ABCG5: variants seen among roughly 807,000 people sequenced by gnomAD.
The protein encoded by ABCG5 is ATP-binding cassette sub-family G member 5.
A neutral mutation model predicts 64.5 loss-of-function variants in ABCG5; 64 were observed. That is an observed-to-expected ratio of 0.99 (90% CI 0.81 to 1.22). The LOEUF (loss-of-function observed/expected upper bound fraction) is 1.22, where lower values mean the gene tolerates loss of function less well. Ranked by LOEUF, ABCG5 falls within the 50% of genes most tolerant of loss-of-function variation. The pLI, the probability that ABCG5 is intolerant of heterozygous loss-of-function variation, is 0.00. For synonymous variants in ABCG5, 385 were observed against 326.3 expected (o/e 1.18, Z -1.94); for missense variants, 908 against 829.5 (o/e 1.09, Z -1.16).
chr2:43,839,088 C>A, upstream of ABCG5: 1 of 1,551,174 alleles, frequency 6.4e-7, no homozygotes, highest in South Asian at 1.2e-5. Context: ...AGAGGGCTGC[C>A]GAAAGGGGCC....
chr2:43,838,265 C>T lies in ABCG5; in HGVS notation c.143+272G>A, dbSNP rs1339909735. 5.0e-6 allele frequency: 3 copies of T among 595,806 alleles called. No individual in the cohort carries two copies. In the African/African-American group the frequency reaches 5.6e-5, roughly 11 times the overall value. 36.9% of individuals were successfully genotyped at this position (595,806 alleles called of 1,614,324 possible). ...CATTCGCAGTACCCCCATTCCCATCCACAGAGGGCAGGCCGTAGACACTGG... is the reference window on the plus strand; with the variant it reads ...CATTCGCAGTACCCCCATTCCCATCTACAGAGGGCAGGCCGTAGACACTGG... On this transcript the variant is annotated intron_variant, in intron 1 of 12. Coordinates refer to ENST00000405322, the MANE Select transcript of ABCG5 (RefSeq NM_022436.3). This position sits in a 1 kb window ranked among gnomAD's most constrained non-coding sequence, Gnocchi z 4.2.
At chr2:43,816,057 C>G (rs1666803038) in intron 11 of ABCG5, among the ~76,000 whole-genome samples, 1 of 152,132 alleles carries the variant, frequency 6.6e-6, no homozygotes, top group African/African-American at 2.4e-5. Context: ...ACCTTTGTTT[C>G]TCCCTGTACC....
At chr2:43,814,086 G>T (rs114608734) in intron 12 of ABCG5, among the ~76,000 whole-genome samples, 3,286 of 152,206 alleles carry the variant, frequency 0.022, 82 homozygotes, top group African/African-American at 0.062. Flanking sequence ...TTGAGGAATA[G>T]ACTTTTGCCA....
chr2:43,827,197 C>T (rs535483604), intron 5 of ABCG5, among the ~76,000 whole-genome samples: 4 of 152,006 alleles, frequency 2.6e-5, no homozygotes, highest in African/African-American at 9.6e-5. Flanking sequence ...TGGTGGCAGG[C>T]GCCTGTAATC....
At chr2:43,812,319 CT>C (rs535572680), downstream of ABCG5, among the ~76,000 whole-genome samples, 16,148 of 115,164 alleles carry the variant, frequency 0.14, 1,183 homozygotes, top group Non-Finnish European at 0.2. Context: ...ACTTGTAATT[CT>C]TTTTTTTTTT....
chr2:43,810,540 A>T (rs900694656), downstream of ABCG5: 1 of 978,988 alleles, frequency 1.0e-6, no homozygotes, highest in African/African-American at 1.8e-5. Flanking sequence ...TATAATTGCT[A>T]TGATTAAAAA....
rs1668442183 is a variant in ABCG5 at position 43,838,703 on chromosome 2, C to G, written c.-24G>C. 6.2e-7 allele frequency: 1 copy of G among 1,612,458 alleles called. No homozygotes were observed. Among genetic ancestry groups the G allele is most frequent in the Non-Finnish European group, 8.5e-7 (1 of 1,179,472 alleles). ...ATGGCCAACAGGCAGCAAAGCTGGG[C>G]AAATTTTCTGGTGGCCGGACCCTCC... is the stretch of plus-strand genomic sequence containing the variant. On this transcript the variant is annotated 5_prime_UTR_variant, in exon 1 of 13. Coordinates refer to ENST00000405322, the MANE Select transcript of ABCG5 (RefSeq NM_022436.3). This position sits in a 1 kb window ranked among gnomAD's most constrained non-coding sequence, Gnocchi z 4.2.
intron 10 of ABCG5, chr2:43,822,468 C>CCGG: frequency 1.2e-6 from 1 of 819,744 alleles, no homozygotes; most frequent in Non-Finnish European, 1.4e-6. Flanking sequence ...TGCTTTCTCC[C>CCGG]CTCCCCCAGG....
rs1245550744 is a variant in ABCG5 at position 43,827,988 on chromosome 2, T to C, written c.629A>G (p.Asp210Gly). The change falls in exon 5 of 13, where the codon GAT becomes GGT. Residue 210 changes from aspartate to glycine, a missense_variant. By Grantham distance (94) the Asp-to-Gly change is moderately conservative (BLOSUM62 -1). Transcript: ENST00000405322. ...CAGTTCTGGGTGCCACTTACTAGGA[T>C]CCTGGAGCAGCTGGGCTGCGATGGA... Reference protein sequence around the residue: ...RVSIAAQLLQDPKVMLFDEPT... With the variant: ...RVSIAAQLLQGPKVMLFDEPT... The C allele has an allele frequency of 5.0e-6, 8 of 1,613,924 alleles. No individual in the cohort carries two copies. Among genetic ancestry groups the C allele is most frequent in the Non-Finnish European group, 6.8e-6 (8 of 1,179,990 alleles).
intron 10 of ABCG5, 138 bp downstream of exon 10, chr2:43,822,659 C>A (rs1667307321): frequency 1.3e-6 from 2 of 1,550,036 alleles, no homozygotes; most frequent in Admixed American, 1.9e-5. Context: ...GAAGATACGA[C>A]ATTGCACTAG....
At chr2:43,822,613 C>G (rs534703163) in intron 10 of ABCG5, 184 bp downstream of exon 10, 1 of 985,172 alleles carries the variant, frequency 1.0e-6, no homozygotes, top group Non-Finnish European at 1.2e-6. Context: ...TCCTGCAACC[C>G]ACAGTTGGGC....
At chr2:43,807,046 T>C in the ABCG5 span, among the ~76,000 whole-genome samples, 7 of 152,208 alleles carry the variant, frequency 4.6e-5, no homozygotes, top group Non-Finnish European at 8.8e-5. Context: ...ACCCTAACAA[T>C]TACCAGTGTT....
At chr2:43,818,470 C>T (rs1403799639) in intron 11 of ABCG5, among the ~76,000 whole-genome samples, 5 of 152,066 alleles carry the variant, frequency 3.3e-5, no homozygotes, top group Non-Finnish European at 5.9e-5. Flanking sequence ...AAACAAAATA[C>T]GGTTTCTACA....
chr2:43,819,736 A>T (rs1160816459), intron 11 of ABCG5, among the ~76,000 whole-genome samples, 179 bp downstream of exon 11: 1 of 152,212 alleles, frequency 6.6e-6, no homozygotes, highest in East Asian at 1.9e-4. Context: ...CATTTTATTG[A>T]ACAAATGAAC....
At chr2:43,816,831 C>T (rs1666866138) in intron 11 of ABCG5, among the ~76,000 whole-genome samples, 1 of 152,184 alleles carries the variant, frequency 6.6e-6, no homozygotes, top group African/African-American at 2.4e-5. Flanking sequence ...CAAAATTTAA[C>T]TCTAGGCTCT....
downstream of ABCG5, chr2:43,809,603 A>G (rs1266597920): frequency 2.7e-6 from 2 of 742,008 alleles, no homozygotes; most frequent in East Asian, 5.3e-5. Flanking sequence ...AATGCTACTA[A>G]GGATTCATTG....
At position 43,831,831 on chromosome 2, in the gene ABCG5, T is replaced by C. The variant is rs778854075; in HGVS notation, c.439A>G (p.Thr147Ala). The C allele has an allele frequency of 1.3e-6, 2 of 1,587,718 alleles. No individual in the cohort carries two copies. Among genetic ancestry groups the C allele is most frequent in the Non-Finnish European group, 8.6e-7 (1 of 1,169,334 alleles). ...GCCAGCAGCGCGGTGTAGTGCAGCGTCTCGCGCACGGTGAGGCTGCTCAGC... is the reference window on the plus strand; with the variant it reads ...GCCAGCAGCGCGGTGTAGTGCAGCGCCTCGCGCACGGTGAGGCTGCTCAGC... ...TLLSSLTVRE[T>A]LHYTALLAIR... Residue 147 changes from threonine (T) to alanine (A), a missense_variant, in exon 4 of 13, where the codon ACG becomes GCG. By Grantham distance (58) the Thr-to-Ala change is moderately conservative (BLOSUM62 0). Transcript: ENST00000405322.
intron 11 of ABCG5, among the ~76,000 whole-genome samples, chr2:43,817,359 C>T (rs914284089): frequency 6.6e-6 from 1 of 151,980 alleles, no homozygotes; most frequent in South Asian, 2.1e-4. Flanking sequence ...GTGGTGCGCA[C>T]CTGTAATCCC....
intron 11 of ABCG5, among the ~76,000 whole-genome samples, chr2:43,818,445 AAAAAAC>A (rs560830035): frequency 7.2e-4 from 109 of 152,352 alleles, no homozygotes; most frequent in Middle Eastern, 6.8e-3. Context: ...CTGTGTTTCA[AAAAAAC>A]AAAAACAAAA....
Sources: allele counts gnomAD v4.1 joint callset (sites outside exome capture counted in the v4.1 genomes callset), GRCh38; gene constraint gnomAD v4.1.1; non-coding constraint Gnocchi (gnomAD v3.1); transcripts MANE v1.5; gene names NCBI Gene and HGNC (gene_info 2026-07-23, HGNC 2026-07-21).